The following NDRG1 variants were observed in gnomAD, a reference collection of about 807,000 sequenced individuals.
NDRG1 encodes the protein N-myc downstream regulated 1, also known as protein NDRG1.
In NDRG1, 32 loss-of-function variants were observed where a neutral mutation model predicts 56.9. The observed-to-expected ratio is 0.56, with a 90% CI of 0.42 to 0.76. NDRG1 has a LOEUF of 0.76. Among genes scored for constraint, NDRG1 ranks in the 30% least tolerant of loss-of-function variants. NDRG1 has a pLI of 0.00. For synonymous variants in NDRG1, 211 were observed against 204.1 expected (o/e 1.03, Z -0.29); for missense variants, 507 against 545.7 (o/e 0.93, Z 0.71).
intron 3 of NDRG1, among the ~76,000 whole-genome samples, chr8:133,277,327 G>C (rs1857503794): frequency 6.6e-6 from 1 of 152,194 alleles, no homozygotes; most frequent in South Asian, 2.1e-4. Context: ...ACTTTGGGAG[G>C]CTGAGGCAGG....
intron 5 of NDRG1, among the ~76,000 whole-genome samples, chr8:133,261,529 G>C (rs1249386464): frequency 1.3e-5 from 2 of 152,224 alleles, no homozygotes; most frequent in Admixed American, 1.3e-4. Flanking sequence ...AGAGCTAGCT[G>C]TAAGGATTAA....
intron 2 of NDRG1, among the ~76,000 whole-genome samples, chr8:133,282,536 A>G (rs969606878): frequency 2.0e-5 from 3 of 152,222 alleles, no homozygotes; most frequent in African/African-American, 7.2e-5. Context: ...GAATATGGTG[A>G]TATGTATTTG....
intron 1 of NDRG1, among the ~76,000 whole-genome samples, chr8:133,287,031 C>G (rs1212324489): frequency 6.6e-6 from 1 of 152,194 alleles, no homozygotes; most frequent in Non-Finnish European, 1.5e-5. Flanking sequence ...GCGGCTCCCT[C>G]ACCTCAGTTC....
intron 14 of NDRG1, 98 bp downstream of exon 14, chr8:133,244,257 A>C (rs930486287): frequency 1.6e-5 from 23 of 1,432,434 alleles, no homozygotes; most frequent in Middle Eastern, 3.5e-4. Context: ...ATCCGATGTC[A>C]CAGCAAGGTA....
intron 2 of NDRG1, 24 bp from the exon 3 acceptor site, chr8:133,280,291 T>G (rs1350483080): frequency 6.8e-6 from 11 of 1,612,604 alleles, no homozygotes; most frequent in Non-Finnish European, 9.3e-6. Context: ...AAAAAAATTG[T>G]CAATTTCATC....
At chr8:133,268,622 CG>C (rs1350466762) in intron 3 of NDRG1, among the ~76,000 whole-genome samples, 9 of 152,122 alleles carry the variant, frequency 5.9e-5, no homozygotes, top group African/African-American at 2.2e-4. Flanking sequence ...TCCATGCCAC[CG>C]GGAGGCCCAT....
chr8:133,256,117 C>T (rs1447519121), intron 8 of NDRG1: 2 of 153,048 alleles, frequency 1.3e-5, no homozygotes, highest in South Asian at 2.1e-4. Context: ...TGCATCCAGT[C>T]CCCGTTCTAC....
chr8:133,258,471 C>G, intron 6 of NDRG1, 45 bp from the exon 7 acceptor site: 1 of 1,579,276 alleles, frequency 6.3e-7, no homozygotes. Context: ...GACAGAGTGA[C>G]GGGAGCCTCC....
At chr8:133,278,329 GC>G (rs1857574949) in intron 3 of NDRG1, among the ~76,000 whole-genome samples, 1 of 151,944 alleles carries the variant, frequency 6.6e-6, no homozygotes, top group African/African-American at 2.4e-5. Context: ...ACTCTTAGCT[GC>G]CCCACCATGC....
chr8:133,248,812 C>T, intron 10 of NDRG1, 41 bp from the exon 11 acceptor site: 1 of 1,612,816 alleles, frequency 6.2e-7, no homozygotes, highest in Non-Finnish European at 8.5e-7. Flanking sequence ...GGACCCCTCC[C>T]CTGGAGAAAT....
chr8:133,263,902 C>T (rs1233259557), intron 4 of NDRG1, among the ~76,000 whole-genome samples: 2 of 126,050 alleles, frequency 1.6e-5, no homozygotes, highest in Non-Finnish European at 3.1e-5. Context: ...GGCAACAGAG[C>T]GAGATTCTGT....
intron 9 of NDRG1, among the ~76,000 whole-genome samples, chr8:133,253,001 T>G (rs534498352): frequency 1.3e-5 from 2 of 152,342 alleles, no homozygotes; most frequent in South Asian, 4.1e-4. Context: ...TCCCCAGGAC[T>G]CATGGGAGTG....
intron 14 of NDRG1, among the ~76,000 whole-genome samples, chr8:133,243,646 C>T (rs1855504087): frequency 6.6e-6 from 1 of 152,076 alleles, no homozygotes; most frequent in South Asian, 2.1e-4. Flanking sequence ...ACCAGGGTTA[C>T]ATCTGTTCTC....
Position 133,284,347 on chromosome 8 carries a change from C to T in NDRG1, c.-18-18G>A. The T allele has an allele frequency of 1.9e-6, 3 of 1,613,432 alleles. No individual in the cohort carries two copies. Among genetic ancestry groups the T allele is most frequent in the South Asian group, 2.2e-5 (2 of 91,052 alleles). On this transcript the variant is annotated intron_variant, in intron 1 of 15. Coordinates refer to ENST00000323851, the MANE Select transcript of NDRG1 (RefSeq NM_006096.4). ...TCACCTGCCTGCAAGGAGACAAAGG[C>T]CAAAAGGTCAACACTTCCTGCTGAG...
Position 133,297,168 on chromosome 8 carries a change from G to C in NDRG1, c.-53C>G, listed in dbSNP as rs1858830253. ...GGGAGAAAGGAAAGGACGGTGCCGA[G>C]GCTGGCGGCCCAGCGCCCCGCGGAA... On this transcript the variant is annotated 5_prime_UTR_variant, in exon 1 of 16. Transcript: ENST00000323851. 2 of 152,360 alleles carry C rather than the reference G, an allele frequency of 1.3e-5. No homozygotes were observed. Among genetic ancestry groups the C allele is most frequent in the South Asian group, 4.1e-4 (2 of 4,844 alleles). 9.4% of individuals were successfully genotyped at this position (152,360 alleles called of 1,614,324 possible).
In NDRG1 at chr8:133,238,788, G is replaced by A. The variant is rs1490763882; in HGVS notation, c.*90C>T. On this transcript the variant is annotated 3_prime_UTR_variant, in exon 16 of 16. Transcript: ENST00000323851. ...GCTTTGGATTAATACCGAGTTAGGCGCAGTATGGCAGGCAGGGGGCGAAAA... is the reference window on the plus strand; with the variant it reads ...GCTTTGGATTAATACCGAGTTAGGCACAGTATGGCAGGCAGGGGGCGAAAA... The A allele has an allele frequency of 7.2e-6, 10 of 1,386,054 alleles. No homozygotes were observed. The highest frequency in any genetic ancestry group is 2.5e-5 in the East Asian group (1 of 39,990). The allele number at this position is 1,386,054 out of a possible 1,614,324, so 85.9% of individuals were successfully genotyped here.
intron 3 of NDRG1, among the ~76,000 whole-genome samples, chr8:133,265,776 T>C (rs1295397369): frequency 4.6e-5 from 7 of 152,114 alleles, no homozygotes; most frequent in Non-Finnish European, 2.9e-5. Context: ...GCCATGTTCA[T>C]CTAAACTCCT....
rs77550817 is a variant in NDRG1 at position 133,251,563 on chromosome 8, T to A, written c.595-1020A>T. Among the ~76,000 whole-genome samples, 164 of 152,308 alleles carry A rather than the reference T, an allele frequency of 1.1e-3. 2 individuals are homozygous for A. In the East Asian group the frequency reaches 0.014, roughly 13 times the overall value. On this transcript the variant is annotated intron_variant, in intron 9 of 15. Coordinates refer to ENST00000323851, the MANE Select transcript of NDRG1 (RefSeq NM_006096.4). ...CAGATGCTCAACGCTATGTCTGACA[T>A]CCCTCCTCCAGTGAAACAGAGACAG...
In NDRG1 at chr8:133,250,658, C is replaced by A. The variant is rs902103000; in HGVS notation, c.595-115G>T. 4 of 920,888 alleles carry A rather than the reference C, an allele frequency of 4.3e-6. No individual in the cohort carries two copies. In the African/African-American group the frequency reaches 6.6e-5, roughly 15 times the overall value. The allele number at this position is 920,888 out of a possible 1,614,324, so 57.0% of individuals were successfully genotyped here. A position where few individuals can be genotyped will look rare whatever the true frequency, so the allele number is the denominator to read the frequency against. Reference sequence around the variant, plus strand: ...CAAAGTAAAGATAATAATGCCTAATCCACAAGACAGCGACGGACCTAAAAA... The same window carrying A: ...CAAAGTAAAGATAATAATGCCTAATACACAAGACAGCGACGGACCTAAAAA... On this transcript the variant is annotated intron_variant, in intron 9 of 15. Coordinates refer to ENST00000323851, the MANE Select transcript of NDRG1 (RefSeq NM_006096.4).
Sources: gnomAD v4.1 joint callset for allele counts (sites outside exome capture counted in the v4.1 genomes callset) on GRCh38, gnomAD v4.1.1 for gene constraint, MANE v1.5 for transcripts, NCBI Gene and HGNC (gene_info 2026-07-23, HGNC 2026-07-21) for gene names.